PRSS53: variants seen among roughly 807,000 people sequenced by gnomAD.
The protein encoded by PRSS53 is serine protease 53, also known as EDTP308.
In PRSS53, 54 loss-of-function variants were observed where a neutral mutation model predicts 62.7. The observed-to-expected ratio is 0.86, with a 90% CI of 0.69 to 1.08. The LOEUF (loss-of-function observed/expected upper bound fraction) is 1.08, where lower values mean the gene tolerates loss of function less well. PRSS53 is among the 50% of genes least tolerant of loss of function. PRSS53 has a pLI of 0.00. For missense variants in PRSS53, 688 were observed against 728.3 expected (o/e 0.94, Z 0.64); for synonymous variants, 273 against 300.0 (o/e 0.91, Z 0.93).
chr16:31,088,635 A>C (rs551642803), intron 1 of PRSS53, 117 bp downstream of exon 1: 1 of 1,557,832 alleles, frequency 6.4e-7, no homozygotes, highest in South Asian at 1.2e-5. Flanking sequence ...TTACATCCCC[A>C]CTGGTGGACT....
chr16:31,084,291 C>A (rs1290909443), exon 10 of PRSS53: 3 of 1,612,920 alleles, frequency 1.9e-6, no homozygotes, highest in African/African-American at 1.3e-5. Flanking sequence ...CGGCCAGGAA[C>A]CATGTGCCCC....
At chr16:31,086,589 C>CA (rs2057236301) in intron 4 of PRSS53, 44 bp downstream of exon 4, 2 of 1,547,608 alleles carry the variant, frequency 1.3e-6, no homozygotes, top group Non-Finnish European at 8.7e-7. Flanking sequence ...TGACGCTGGG[C>CA]AAGCAGAGTG....
Position 31,087,670 on chromosome 16 carries a change from T to C in PRSS53, c.109A>G (p.Lys37Glu), listed in dbSNP as rs573693329. 13 of 1,611,880 alleles carry C rather than the reference T, an allele frequency of 8.1e-6. No homozygotes were observed. The Admixed American group carries it at 2.0e-4, about 25-fold the overall frequency. The change falls in exon 3 of 11, where the codon AAG becomes GAG. Residue 37 changes from lysine (K) to glutamate (E), a missense_variant. Coordinates refer to ENST00000280606, the Ensembl canonical transcript of PRSS53. ...GGGACTGTGTTGCCCTCCTGAGGCT[T>C]GGGGGGGCCGGGGCCACGCTGTCCA... is the stretch of plus-strand genomic sequence containing the variant.
exon 8 of PRSS53, chr16:31,084,834 G>C: frequency 6.5e-7 from 1 of 1,549,016 alleles, no homozygotes. Context: ...TCAGGCAGGT[G>C]GTGGTCAGGA....
chr16:31,084,808 C>G, exon 8 of PRSS53: 1 of 1,541,410 alleles, frequency 6.5e-7, no homozygotes, highest in Non-Finnish European at 8.8e-7. Flanking sequence ...GTCCCAGAAC[C>G]CAGCCACGCT....
chr16:31,086,674 G>A (rs2057237231), exon 4 of PRSS53: 1 of 1,545,358 alleles, frequency 6.5e-7, no homozygotes, highest in Non-Finnish European at 8.7e-7. Context: ...CCAGCAGGAG[G>A]CTCCAAAGGG....
exon 10 of PRSS53, chr16:31,084,153 G>C (rs770579035): frequency 3.1e-6 from 5 of 1,595,420 alleles, no homozygotes; most frequent in Non-Finnish European, 3.4e-6. Context: ...GCTCAGCCTC[G>C]GGCTCTGGTT....
chr16:31,084,388 C>T (rs899090040), intron 9 of PRSS53, 53 bp from the exon 10 acceptor site: 22 of 1,552,298 alleles, frequency 1.4e-5, no homozygotes, highest in African/African-American at 6.8e-5. Context: ...CTGTGCAGGA[C>T]GGTAGAGCAG....
chr16:31,084,915 C>T (rs778137757), exon 8 of PRSS53: 21 of 1,541,862 alleles, frequency 1.4e-5, no homozygotes, highest in Middle Eastern at 1.7e-4. Context: ...AGGGCCATGT[C>T]GTAGCCCCCC....
At chr16:31,084,157 T>C in exon 10 of PRSS53, 2 of 1,598,126 alleles carry the variant, frequency 1.3e-6, no homozygotes, top group Admixed American at 1.7e-5. Context: ...AGCCTCGGGC[T>C]CTGGTTCCTC....
At position 31,083,939 on chromosome 16, in the gene PRSS53, C is replaced by A. The variant is rs1390421955; in HGVS notation, c.1643-130G>T. The stretch of plus-strand genomic sequence containing the variant: ...CAGATGAGAATACTGAGGCTCAAAG[C>A]GGTTGAGCAGCCTGCTCCAAGTCAC... On this transcript the variant is annotated intron_variant, in intron 10 of 10. Transcript: ENST00000280606. 10 of 1,530,112 alleles carry A rather than the reference C, an allele frequency of 6.5e-6. No individual in the cohort carries two copies. The Admixed American group carries it at 1.2e-4, about 18-fold the overall frequency. 94.8% of individuals were successfully genotyped at this position (1,530,112 alleles called of 1,614,324 possible). A position where few individuals can be genotyped will look rare whatever the true frequency, so the allele number is the denominator to read the frequency against.
chr16:31,086,036 G>C, exon 6 of PRSS53: 1 of 1,613,976 alleles, frequency 6.2e-7, no homozygotes, highest in Non-Finnish European at 8.5e-7. Context: ...CCCTGAACTC[G>C]AGCCTGCAGC....
rs780736067 is a variant in PRSS53, at chr16:31,086,174, C to T, written c.673G>A (p.Gly225Arg). Residue 225 changes from glycine to arginine, a missense_variant, in exon 6 of 11, where the codon GGG becomes AGG. Physicochemically the swap from Gly to Arg is moderately radical, Grantham distance 125. Transcript: ENST00000280606. ...GGCTCGAGGCACAGCACAGGGCCCCCGGAATCTCCCTGGAGCCAGGCAACA... is the reference window on the plus strand; with the variant it reads ...GGCTCGAGGCACAGCACAGGGCCCCTGGAATCTCCCTGGAGCCAGGCAACA... The T allele has an allele frequency of 1.3e-4, 215 of 1,610,762 alleles. 1 individual carries two copies. The highest frequency in any genetic ancestry group is 1.8e-4 in the Non-Finnish European group (211 of 1,179,570).
Position 31,086,846 on chromosome 16 carries a change from G to A in PRSS53, c.295C>T (p.Arg99Cys), listed in dbSNP as rs780266645. Reference sequence around the variant, plus strand: ...TCGGCCCCAGGGCTGAGTCCCTCACGCTGCAGAGAACCCAGGACCACTGAC... The same window carrying A: ...TCGGCCCCAGGGCTGAGTCCCTCACACTGCAGAGAACCCAGGACCACTGAC... Residue 99 changes from arginine (R) to cysteine (C), a missense_variant, in exon 4 of 11, where the codon CGT becomes TGT. Coordinates refer to ENST00000280606, the Ensembl canonical transcript of PRSS53. 1.7e-5 allele frequency: 27 copies of A among 1,611,596 alleles called. No individual in the cohort carries two copies. The highest frequency in any genetic ancestry group is 1.0e-4 in the Admixed American group (6 of 59,460).
exon 8 of PRSS53, chr16:31,084,901 C>T: frequency 1.3e-6 from 2 of 1,543,314 alleles, no homozygotes; most frequent in South Asian, 2.4e-5. Context: ...GGGCCAGCAG[C>T]AGGAGGGCCA....
In PRSS53 at chr16:31,084,120, T is replaced by TA; in HGVS notation, c.1640dup (p.Ser548LysfsTer127). 2 of 1,573,698 alleles carry TA rather than the reference T, an allele frequency of 1.3e-6. No individual in the cohort carries two copies. The highest frequency in any genetic ancestry group is 2.7e-5 in the African/African-American group (2 of 74,184). On this transcript the variant is annotated frameshift_variant and splice_region_variant, in exon 10 of 11. Transcript: ENST00000280606. LOFTEE classifies it high-confidence loss of function. ...GCAGGAGGCCCCGGGGCCACATACT[T>TA]ATGTTGGCCAGGCAGCTTCCAGGCT...
At chr16:31,088,668 A>C (rs1596791914) in intron 1 of PRSS53, 84 bp downstream of exon 1, 1 of 1,599,146 alleles carries the variant, frequency 6.3e-7, no homozygotes, top group Non-Finnish European at 8.5e-7. Context: ...CGGTCCCCCC[A>C]CCAAGAAGCA....
rs955974396 is a variant in PRSS53 at position 31,085,905 on chromosome 16, C to T, written c.883+59G>A. ...TGGATGCCTATGCCAGTTCTCTAGT[C>T]CTAACTGAGGTTTGCTTCACAGTGG... On this transcript the variant is annotated intron_variant, in intron 6 of 10. Coordinates refer to ENST00000280606, the Ensembl canonical transcript of PRSS53. 7 of 1,496,744 alleles carry T rather than the reference C, an allele frequency of 4.7e-6. No homozygotes were observed. In the African/African-American group the frequency reaches 8.3e-5, roughly 18 times the overall value. 92.7% of individuals were successfully genotyped at this position (1,496,744 alleles called of 1,614,324 possible).
At chr16:31,085,189 T>C (rs1448628831) in exon 7 of PRSS53, 9 of 1,609,406 alleles carry the variant, frequency 5.6e-6, no homozygotes, top group Non-Finnish European at 7.6e-6. Flanking sequence ...CCCTGGTGCA[T>C]CAGCCTGGCC....
Sources: allele counts gnomAD v4.1 joint callset, GRCh38; gene constraint gnomAD v4.1.1; transcripts MANE v1.5; gene names NCBI Gene and HGNC (gene_info 2026-07-23, HGNC 2026-07-21).